DAB2IP: variants seen among roughly 807,000 people sequenced by gnomAD.
DAB2IP encodes the protein DAB2 interacting protein.
In DAB2IP, 28 loss-of-function variants were observed where a neutral mutation model predicts 107.2. That is an observed-to-expected ratio of 0.26 (90% CI 0.19 to 0.36). The LOEUF (loss-of-function observed/expected upper bound fraction) is 0.36. DAB2IP is among the 10% of genes least tolerant of loss of function. DAB2IP has a pLI of 1.00. For missense variants in DAB2IP, 1,400 were observed against 1,644.7 expected, an observed-to-expected ratio of 0.85 and a Z score of 2.57; for synonymous variants, 755 against 706.4, an observed-to-expected ratio of 1.07 and a Z score of -1.09.
exon 16 of DAB2IP, chr9:121,783,736 G>T (rs928480584): frequency 2.6e-6 from 2 of 773,072 alleles, no homozygotes; most frequent in Admixed American, 2.2e-5. Context: ...CAAGGACCCA[G>T]GCGCTGCATA....
At chr9:121,773,794 C>T (rs572735842) in intron 12 of DAB2IP, among the ~76,000 whole-genome samples, 47 of 152,320 alleles carry the variant, frequency 3.1e-4, no homozygotes, top group African/African-American at 1.1e-3. Flanking sequence ...CCAAGCCTGT[C>T]GAAGCGCCTA....
Position 121,679,125 on chromosome 9 carries a change from T to C in DAB2IP, c.228+344T>C, listed in dbSNP as rs7047340. On this transcript the variant is annotated intron_variant, in intron 2 of 15. Transcript: ENST00000408936. Reference sequence around the variant, plus strand: ...CTTGAGGGCGCACACACACTGTGCTTCTGCAACCCCGAAAAGATGCACTAT... The same window carrying C: ...CTTGAGGGCGCACACACACTGTGCTCCTGCAACCCCGAAAAGATGCACTAT... Among the ~76,000 whole-genome samples the C allele has an allele frequency of 2.0e-5, 3 of 152,070 alleles. No individual in the cohort carries two copies. The East Asian group carries it at 5.8e-4, about 29-fold the overall frequency.
At chr9:121,603,468 A>G (rs1006476078) in intron 1 of DAB2IP, among the ~76,000 whole-genome samples, 5 of 152,200 alleles carry the variant, frequency 3.3e-5, no homozygotes, top group Non-Finnish European at 7.3e-5. Flanking sequence ...AGTCCAGGAA[A>G]CTGCAGTGAC....
Position 121,596,454 on chromosome 9 carries a change from G to A in DAB2IP, c.40+29226G>A, listed in dbSNP as rs60752990. On this transcript the variant is annotated intron_variant, in intron 1 of 16. Transcript: ENST00000259371. ...TACCTGAGCACAGGAGTTCGAGGCC[G>A]CAGTGAGCTATGATAGCGCCACTGC... Among the ~76,000 whole-genome samples the A allele has an allele frequency of 4.6e-3, 706 of 152,294 alleles. 7 individuals are homozygous for A. The highest frequency in any genetic ancestry group is 0.016 in the African/African-American group (650 of 41,562).
intron 4 of DAB2IP, among the ~76,000 whole-genome samples, chr9:121,758,167 G>A (rs1218238763): frequency 6.6e-6 from 1 of 152,184 alleles, no homozygotes; most frequent in African/African-American, 2.4e-5. Flanking sequence ...TGCTTCCCCT[G>A]CAGAGACCCG....
In DAB2IP at chr9:121,662,419, A is replaced by G. The variant is rs1233086374; in HGVS notation, c.124+10520A>G. ...TAAAGGGTTGGAACAAAAAGTCAGA[A>G]GAAGGAGAACATAGGGAGTTATATG... is the stretch of plus-strand genomic sequence containing the variant. On this transcript the variant is annotated intron_variant, in intron 1 of 15. Coordinates refer to ENST00000408936, the Ensembl canonical transcript of DAB2IP. This position sits in a 1 kb window ranked among gnomAD's most constrained non-coding sequence, Gnocchi z 4.6. Among the ~76,000 whole-genome samples, 2 of 152,256 alleles carry G rather than the reference A, an allele frequency of 1.3e-5. No homozygotes were observed. The highest frequency in any genetic ancestry group is 4.8e-5 in the African/African-American group (2 of 41,464).
At chr9:121,636,340 A>G (rs1832087705) in intron 1 of DAB2IP, among the ~76,000 whole-genome samples, 1 of 152,184 alleles carries the variant, frequency 6.6e-6, no homozygotes, top group Non-Finnish European at 1.5e-5. Flanking sequence ...TCCTTTTAGC[A>G]TAAGATGGCA....
chr9:121,774,112 T>C, intron 12 of DAB2IP, 148 bp from the exon 13 acceptor site: 1 of 907,344 alleles, frequency 1.1e-6, no homozygotes, highest in Non-Finnish European at 1.6e-6. Flanking sequence ...GGGTGGGGAC[T>C]GCCTCGGTAG....
At chr9:121,589,413 C>T (rs1009902001) in intron 1 of DAB2IP, among the ~76,000 whole-genome samples, 2 of 152,108 alleles carry the variant, frequency 1.3e-5, no homozygotes, top group African/African-American at 4.8e-5. Context: ...TGGGCTATTT[C>T]CTCTTTGCCT....
chr9:121,722,428 C>CA (rs1402286570), intron 3 of DAB2IP, among the ~76,000 whole-genome samples: 2 of 152,136 alleles, frequency 1.3e-5, no homozygotes, highest in Admixed American at 6.5e-5. Context: ...CCCTTTTTCT[C>CA]AGTTTCTCCC....
chr9:121,726,736 T>C (rs112092358), intron 3 of DAB2IP, among the ~76,000 whole-genome samples: 1 of 152,122 alleles, frequency 6.6e-6, no homozygotes, highest in African/African-American at 2.4e-5. Context: ...GTATTCTGCT[T>C]TGTGAGAGTA....
intron 3 of DAB2IP, chr9:121,737,522 G>T: frequency 2.0e-6 from 2 of 985,448 alleles, no homozygotes; most frequent in Non-Finnish European, 2.4e-6. Context: ...GCCTGGGTGA[G>T]CACCACCCTT....
chr9:121,759,009 C>T lies in DAB2IP; in HGVS notation c.615+13C>T, dbSNP rs769580713. ...GCATCCCAACAAGGTAAGCCTGCGC[C>T]CCTCTCACCAAAGCATGGGGGATTG... is the stretch of plus-strand genomic sequence containing the variant. On this transcript the variant is annotated intron_variant, in intron 5 of 15. Transcript: ENST00000408936. 9.3e-6 allele frequency: 15 copies of T among 1,605,468 alleles called. No individual in the cohort carries two copies. Among genetic ancestry groups the T allele is most frequent in the Non-Finnish European group, 1.2e-5 (14 of 1,176,232 alleles).
intron 5 of DAB2IP, 48 bp downstream of exon 5, chr9:121,759,044 T>C: frequency 6.4e-7 from 1 of 1,555,834 alleles, no homozygotes. Context: ...GAAGGTAGGC[T>C]CAGATAGGAG....
intron 1 of DAB2IP, among the ~76,000 whole-genome samples, chr9:121,640,697 T>A (rs1300897077): frequency 6.6e-6 from 1 of 152,206 alleles, no homozygotes; most frequent in Non-Finnish European, 1.5e-5. Context: ...CAACTGGCCC[T>A]TCCTTACTTT....
intron 1 of DAB2IP, among the ~76,000 whole-genome samples, chr9:121,567,619 G>C (rs1025019098): frequency 1.3e-5 from 2 of 152,226 alleles, no homozygotes; most frequent in Non-Finnish European, 2.9e-5. Context: ...GATAAATATA[G>C]ATGGAAGAGG....
upstream of DAB2IP, among the ~76,000 whole-genome samples, chr9:121,650,151 T>A (rs533458663): frequency 1.3e-4 from 20 of 152,352 alleles, no homozygotes; most frequent in Non-Finnish European, 2.4e-4. Context: ...CAAAGGAGGC[T>A]AAGGGTGTCC....
intron 10 of DAB2IP, 85 bp downstream of exon 10, chr9:121,768,718 C>T: frequency 6.5e-7 from 1 of 1,547,690 alleles, no homozygotes; most frequent in Non-Finnish European, 8.8e-7. Context: ...CCATGGAGGG[C>T]AGAGAGTTTG....
intron 13 of DAB2IP, among the ~76,000 whole-genome samples, chr9:121,775,128 C>T (rs999547407): frequency 2.0e-5 from 3 of 152,220 alleles, no homozygotes; most frequent in African/African-American, 4.8e-5. Flanking sequence ...TAGTTTTTGT[C>T]TCCTACTGCC....
Sources: gnomAD v4.1 joint callset for allele counts (sites outside exome capture counted in the v4.1 genomes callset) on GRCh38, gnomAD v4.1.1 for gene constraint, Gnocchi (gnomAD v3.1) non-coding constraint, MANE v1.5 for transcripts, NCBI Gene and HGNC (gene_info 2026-07-23, HGNC 2026-07-21) for gene names.